SLCO1C1: variants seen among roughly 807,000 people sequenced by gnomAD.
SLCO1C1 encodes solute carrier organic anion transporter family member 1C1.
SLCO1C1 carries 70 observed loss-of-function variants against 76.4 expected under a neutral mutation model. The observed-to-expected ratio is 0.92, with a 90% CI of 0.76 to 1.12. The LOEUF (loss-of-function observed/expected upper bound fraction) is 1.12. Among genes scored for constraint, SLCO1C1 ranks in the 50% most tolerant of loss-of-function variants. The probability of loss-of-function intolerance (pLI) is 0.00; values close to 1 mark genes in which losing one functional copy is unlikely to be tolerated. For synonymous variants in SLCO1C1, 306 were observed against 286.1 expected, an observed-to-expected ratio of 1.07 and a Z score of -0.70; for missense variants, 912 against 823.8, an observed-to-expected ratio of 1.11 and a Z score of -1.31.
rs765368810 is a variant in SLCO1C1 at position 20,711,523 on chromosome 12, T to A, written c.529+13T>A. On this transcript the variant is annotated intron_variant, in intron 5 of 14. Transcript: ENST00000266509. Reference sequence around the variant, plus strand: ...AAAATAAGTAACGGTAAGATCATTTTTTTGACTTGACTAAACAAGCTTTTA... The same window carrying A: ...AAAATAAGTAACGGTAAGATCATTTATTTGACTTGACTAAACAAGCTTTTA... The A allele has an allele frequency of 3.1e-6, 5 of 1,612,184 alleles. No homozygotes were observed. The highest frequency in any genetic ancestry group is 4.2e-6 in the Non-Finnish European group (5 of 1,179,270).
At chr12:20,711,971 A>G (rs1330612739) in intron 5 of SLCO1C1, among the ~76,000 whole-genome samples, 1 of 152,100 alleles carries the variant, frequency 6.6e-6, no homozygotes, top group East Asian at 1.9e-4. Context: ...CATTCTAGGG[A>G]GCTTACATAA....
intron 11 of SLCO1C1, 109 bp from the exon 12 acceptor site, chr12:20,740,071 ATTTC>A: frequency 9.6e-7 from 1 of 1,042,452 alleles, no homozygotes; most frequent in East Asian, 2.6e-5. Context: ...ATAAAAGAAT[ATTTC>A]CTCATTGTTT....
chr12:20,746,410 A>C (rs1161155743), intron 13 of SLCO1C1, among the ~76,000 whole-genome samples: 3 of 152,182 alleles, frequency 2.0e-5, no homozygotes, highest in Non-Finnish European at 4.4e-5. Context: ...AAAGTAACCA[A>C]ATTAGTCAAT....
chr12:20,713,391 T>C (rs1055024137), intron 5 of SLCO1C1, among the ~76,000 whole-genome samples: 2 of 152,230 alleles, frequency 1.3e-5, no homozygotes, highest in Non-Finnish European at 2.9e-5. Context: ...ATGTTTTCTT[T>C]TGACAGCACA....
At chr12:20,723,371 G>C in intron 9 of SLCO1C1, 117 bp downstream of exon 9, 1 of 1,245,300 alleles carries the variant, frequency 8.0e-7, no homozygotes, top group Non-Finnish European at 1.1e-6. Flanking sequence ...CATTTTAGAT[G>C]AGCTCAAAAA....
chr12:20,732,478 G>A (rs1202293070), intron 9 of SLCO1C1, among the ~76,000 whole-genome samples: 1 of 152,104 alleles, frequency 6.6e-6, no homozygotes, highest in Non-Finnish European at 1.5e-5. Context: ...CTAGCAAGCT[G>A]GATCAACAAA....
chr12:20,725,451 G>A (rs1184189319), intron 9 of SLCO1C1, among the ~76,000 whole-genome samples: 2 of 145,586 alleles, frequency 1.4e-5, no homozygotes, highest in African/African-American at 5.0e-5. Flanking sequence ...AGTATATTAT[G>A]TATACTATAA....
At chr12:20,746,883 T>C (rs1220377034) in intron 13 of SLCO1C1, among the ~76,000 whole-genome samples, 1 of 151,950 alleles carries the variant, frequency 6.6e-6, no homozygotes, top group Non-Finnish European at 1.5e-5. Context: ...AGTCATCAAC[T>C]AAATACAATG....
intron 14 of SLCO1C1, 149 bp downstream of exon 14, chr12:20,750,941 AATT>A (rs1949275188): frequency 7.1e-7 from 1 of 1,409,334 alleles, no homozygotes; most frequent in Non-Finnish European, 9.8e-7. Context: ...GTCATAGAAT[AATT>A]ATATTATTAT....
intron 3 of SLCO1C1, among the ~76,000 whole-genome samples, chr12:20,703,741 T>TA (rs753104681): frequency 4.6e-5 from 7 of 151,812 alleles, no homozygotes; most frequent in Non-Finnish European, 7.4e-5. Flanking sequence ...TGTACTACTA[T>TA]AATGAACTGC....
chr12:20,732,799 T>G, intron 9 of SLCO1C1, 110 bp from the exon 10 acceptor site: 1 of 1,109,350 alleles, frequency 9.0e-7, no homozygotes, highest in Non-Finnish European at 1.3e-6. Context: ...TAGATGATAG[T>G]GACTATTTCT....
intron 9 of SLCO1C1, among the ~76,000 whole-genome samples, chr12:20,728,664 T>C (rs1948139397): frequency 6.6e-6 from 1 of 151,808 alleles, no homozygotes; most frequent in Admixed American, 6.6e-5. Flanking sequence ...TTCTAAAACA[T>C]CTCCAAGTAC....
At chr12:20,750,814 C>A in intron 14 of SLCO1C1, 22 bp downstream of exon 14, 1 of 1,613,810 alleles carries the variant, frequency 6.2e-7, no homozygotes, top group Non-Finnish European at 8.5e-7. Context: ...AAAGCATTCC[C>A]GCATCTCATT....
At chr12:20,699,755 A>G in intron 2 of SLCO1C1, 50 bp downstream of exon 2, 2 of 1,551,046 alleles carry the variant, frequency 1.3e-6, no homozygotes, top group Non-Finnish European at 8.7e-7. Context: ...TTTTCTGTCC[A>G]GATATCATCT....
intron 13 of SLCO1C1, among the ~76,000 whole-genome samples, chr12:20,747,682 A>G (rs1297076781): frequency 6.6e-6 from 1 of 152,148 alleles, no homozygotes; most frequent in East Asian, 1.9e-4. Flanking sequence ...TTAAGTGGTA[A>G]ATCATATATT....
chr12:20,746,897 T>C (rs1365060435), intron 13 of SLCO1C1, among the ~76,000 whole-genome samples: 1 of 152,090 alleles, frequency 6.6e-6, no homozygotes, highest in Admixed American at 6.5e-5. Context: ...TACAATGTGT[T>C]TATTTGGTTT....
intron 7 of SLCO1C1, among the ~76,000 whole-genome samples, chr12:20,717,648 CTTTTTTTTTTT>C (rs534946900): frequency 8.5e-4 from 36 of 42,300 alleles, no homozygotes; most frequent in African/African-American, 2.2e-3. Context: ...AACAGCCCTT[CTTTTTTTTTTT>C]TTTTTTTTTT....
At chr12:20,722,435 C>T (rs112636063) in intron 8 of SLCO1C1, among the ~76,000 whole-genome samples, 51 of 152,218 alleles carry the variant, frequency 3.4e-4, no homozygotes, top group African/African-American at 1.2e-3. Context: ...ATGTCTCTCA[C>T]CAATGATCAA....
chr12:20,751,055 A>T (rs1435498337), intron 14 of SLCO1C1, among the ~76,000 whole-genome samples: 1 of 152,154 alleles, frequency 6.6e-6, no homozygotes, highest in African/African-American at 2.4e-5. Flanking sequence ...AATACAGTAG[A>T]ATTTTGAAAG....
Sources: gnomAD v4.1 joint callset for allele counts (sites outside exome capture counted in the v4.1 genomes callset) on GRCh38, gnomAD v4.1.1 for gene constraint, MANE v1.5 for transcripts, NCBI Gene and HGNC (gene_info 2026-07-23, HGNC 2026-07-21) for gene names.